The following TCF4 variants were observed in gnomAD, a reference collection of about 807,000 sequenced individuals.
The protein encoded by TCF4 is transcription factor 4.
A neutral mutation model predicts 82.1 loss-of-function variants in TCF4; 3 were observed. That is an observed-to-expected ratio of 0.04 (90% CI 0.02 to 0.09). The LOEUF is 0.09. Ranked by LOEUF, TCF4 falls within the 10% of genes least tolerant of loss-of-function variation. TCF4 has a pLI of 1.00. For synonymous variants in TCF4, 276 were observed against 309.6 expected, an observed-to-expected ratio of 0.89 and a Z score of 1.14; for missense variants, 518 against 852.7, an observed-to-expected ratio of 0.61 and a Z score of 4.89.
chr18:55,585,091 C>T (rs560432756), intron 3 of TCF4, among the ~76,000 whole-genome samples, 189 bp downstream of exon 3: 1 of 152,120 alleles, frequency 6.6e-6, no homozygotes, highest in African/African-American at 2.4e-5. Flanking sequence ...AAAAAAAAGA[C>T]CTAATTTTAA....
In TCF4 at chr18:55,365,191, A is replaced by ATATATATATATATG. The variant is rs1361444592; in HGVS notation, c.370-14189_370-14188insCATATATATATATA. 1.1e-3 allele frequency among the ~76,000 whole-genome samples: 106 copies of ATATATATATATATG among 97,858 alleles called. 1 individual carries two copies. Among genetic ancestry groups the ATATATATATATATG allele is most frequent in the East Asian group, 2.2e-3 (8 of 3,608 alleles). 64.2% of individuals were successfully genotyped at this position (97,858 alleles called of 152,430 possible). A position where few individuals can be genotyped will look rare whatever the true frequency, so the allele number is the denominator to read the frequency against. ...TATATATATATATATATATATATAT[A>ATATATATATATATG]TGTGTGTGTGTGTGTGTGTATATAT... On this transcript the variant is annotated intron_variant, in intron 6 of 19. Coordinates refer to ENST00000354452, the MANE Select transcript of TCF4 (RefSeq NM_001083962.2).
At chr18:55,342,256 C>T (rs1277264149) in intron 8 of TCF4, among the ~76,000 whole-genome samples, 1 of 152,046 alleles carries the variant, frequency 6.6e-6, no homozygotes, top group Non-Finnish European at 1.5e-5. Context: ...TTTGTAATCC[C>T]AACTGTATCT....
chr18:55,530,457 G>T (rs1241985473), intron 3 of TCF4, among the ~76,000 whole-genome samples: 1 of 147,460 alleles, frequency 6.8e-6, no homozygotes, highest in East Asian at 2.0e-4. Context: ...AATCTATATA[G>T]AAGAAACAGA....
intron 3 of TCF4, among the ~76,000 whole-genome samples, chr18:55,560,798 C>T (rs1568401685): frequency 6.7e-6 from 1 of 149,314 alleles, no homozygotes; most frequent in African/African-American, 2.5e-5. Context: ...CTGTGAACTC[C>T]TTTTTTTTTT....
intron 8 of TCF4, among the ~76,000 whole-genome samples, chr18:55,339,313 C>T (rs1453091865): frequency 6.6e-6 from 1 of 152,146 alleles, no homozygotes; most frequent in Non-Finnish European, 1.5e-5. Context: ...TGAGGTGTTG[C>T]TGAACAAACC....
At chr18:55,318,279 G>T (rs1214266363) in intron 8 of TCF4, among the ~76,000 whole-genome samples, 2 of 152,018 alleles carry the variant, frequency 1.3e-5, no homozygotes, top group Non-Finnish European at 2.9e-5. Context: ...TTTAGAGCTA[G>T]AACTACACTT....
intron 8 of TCF4, among the ~76,000 whole-genome samples, chr18:55,323,711 C>G (rs1475705030): frequency 1.3e-5 from 2 of 152,132 alleles, no homozygotes; most frequent in Non-Finnish European, 2.9e-5. Context: ...GGCCAGGGTA[C>G]CCACCTACCA....
chr18:55,586,161 GCAGC>G (rs2097647082), intron 2 of TCF4: 15 of 247,446 alleles, frequency 6.1e-5, no homozygotes, highest in South Asian at 2.0e-4. Context: ...AGGAGCAGCA[GCAGC>G]AGCAGCAGCA....
chr18:55,326,702 A>T (rs1174917139), intron 8 of TCF4, among the ~76,000 whole-genome samples: 1 of 152,208 alleles, frequency 6.6e-6, no homozygotes, highest in Non-Finnish European at 1.5e-5. Flanking sequence ...ACCCTTGTCC[A>T]TTGAAAAAAG....
intron 6 of TCF4, among the ~76,000 whole-genome samples, chr18:55,380,626 G>T (rs1028227629): frequency 1.3e-5 from 2 of 152,298 alleles, no homozygotes; most frequent in African/African-American, 2.4e-5. Flanking sequence ...AAATAAAAGA[G>T]TAACGGAAAT....
chr18:55,506,657 G>C (rs2096763600), intron 3 of TCF4, among the ~76,000 whole-genome samples: 2 of 152,112 alleles, frequency 1.3e-5, no homozygotes, highest in South Asian at 4.1e-4. Flanking sequence ...CACTCTAAGA[G>C]AGGGATAGGT....
intron 8 of TCF4, among the ~76,000 whole-genome samples, chr18:55,299,079 T>C (rs1239851201): frequency 6.6e-6 from 1 of 152,200 alleles, no homozygotes; most frequent in Non-Finnish European, 1.5e-5. Context: ...TAGGTTTCAA[T>C]AGCTGGCCTT....
chr18:55,343,664 T>C (rs2080509955), intron 8 of TCF4, among the ~76,000 whole-genome samples: 1 of 152,172 alleles, frequency 6.6e-6, no homozygotes, highest in Non-Finnish European at 1.5e-5. Context: ...AGAGGGAGTA[T>C]ATGCTCAAGT....
chr18:55,617,835 G>GTGTGTC (rs1206382483), intron 2 of TCF4, among the ~76,000 whole-genome samples: 1 of 151,562 alleles, frequency 6.6e-6, no homozygotes, highest in Non-Finnish European at 1.5e-5. Flanking sequence ...GTGTGTGTGT[G>GTGTGTC]TGTGTGTGTG....
intron 3 of TCF4, among the ~76,000 whole-genome samples, chr18:55,485,762 G>A (rs781027929): frequency 2.0e-5 from 3 of 152,182 alleles, no homozygotes; most frequent in East Asian, 1.9e-4. Context: ...TTAGCTATAC[G>A]CATTTTTCTG....
intron 3 of TCF4, chr18:55,519,103 T>A (rs745613703): frequency 1.3e-5 from 2 of 152,066 alleles, no homozygotes; most frequent in African/African-American, 4.8e-5. Context: ...AGCAACAACA[T>A]AAGACTCCCA....
intron 1 of TCF4, among the ~76,000 whole-genome samples, chr18:55,632,748 G>T (rs2097732805): frequency 6.6e-6 from 1 of 152,228 alleles, no homozygotes; most frequent in South Asian, 2.1e-4. Context: ...ATAATGGATT[G>T]AATATAGGGT....
intron 8 of TCF4, among the ~76,000 whole-genome samples, chr18:55,314,429 TTAA>T (rs1471726507): frequency 6.6e-6 from 1 of 152,158 alleles, no homozygotes; most frequent in East Asian, 1.9e-4. Context: ...TTTATCCTTT[TTAA>T]TTTTTTAAGT....
Position 55,585,321 on chromosome 18 carries a change from T to A in TCF4, c.104A>T (p.Asn35Ile), listed in dbSNP as rs1942185708. 1 of 1,613,678 alleles carries A rather than the reference T, an allele frequency of 6.2e-7. No homozygotes were observed. The highest frequency in any genetic ancestry group is 1.3e-5 in the African/African-American group (1 of 74,920). ...MFSPPVSSGK[N>I]GPTSLASGHF... ...TCCACTTGCCAAAGAAGTTGGTCCATTTTTCCCACTGCTCACAGGAGGTGA... is the reference window on the plus strand; with the variant it reads ...TCCACTTGCCAAAGAAGTTGGTCCAATTTTCCCACTGCTCACAGGAGGTGA... The change falls in exon 3 of 20, where the codon AAT becomes ATT. Residue 35 changes from asparagine to isoleucine, a missense_variant. Asn to Ile is a moderately radical substitution (Grantham distance 149). This residue lies in a region of TCF4 where 19 missense variants were observed against 54.5 expected (regional missense o/e 0.35). Coordinates refer to ENST00000354452, the MANE Select transcript of TCF4 (RefSeq NM_001083962.2).
Sources: allele counts gnomAD v4.1 joint callset (sites outside exome capture counted in the v4.1 genomes callset), GRCh38; gene constraint gnomAD v4.1.1; regional missense constraint gnomAD v4.1.1; transcripts MANE v1.5; gene names NCBI Gene and HGNC (gene_info 2026-07-23, HGNC 2026-07-21).